Variants in CTH observed in about 807,000 individuals in gnomAD.
CTH encodes the protein cystathionase (cystathionine gamma-lyase).
CTH carries 41 observed loss-of-function variants against 50.6 expected under a neutral mutation model. The observed-to-expected ratio is 0.81, with a 90% CI of 0.63 to 1.05. The LOEUF is 1.05. Ranked by LOEUF, CTH falls within the 50% of genes least tolerant of loss-of-function variation. The pLI is 0.00. For synonymous variants in CTH, 156 were observed against 168.9 expected, an observed-to-expected ratio of 0.92 and a Z score of 0.59; for missense variants, 470 against 492.6, an observed-to-expected ratio of 0.95 and a Z score of 0.43.
chr1:70,422,997 T>A (rs1175283566), intron 4 of CTH, among the ~76,000 whole-genome samples: 1 of 152,176 alleles, frequency 6.6e-6, no homozygotes, highest in Non-Finnish European at 1.5e-5. Context: ...TCTACCAACT[T>A]GAATTAATAC....
At chr1:70,412,152 C>T (rs1683979927) in intron 1 of CTH, among the ~76,000 whole-genome samples, 2 of 152,158 alleles carry the variant, frequency 1.3e-5, no homozygotes, top group South Asian at 4.1e-4. Context: ...AGTAACTAGC[C>T]TTAGACTAGT....
At chr1:70,434,821 C>T (rs1030028301) in intron 9 of CTH, 24 of 254,230 alleles carry the variant, frequency 9.4e-5, no homozygotes, top group South Asian at 9.2e-4. Flanking sequence ...GGCATGATCT[C>T]GGCTCACTGC....
chr1:70,418,620 A>G (rs968844420), intron 3 of CTH, among the ~76,000 whole-genome samples: 1 of 152,218 alleles, frequency 6.6e-6, no homozygotes, highest in Non-Finnish European at 1.5e-5. Flanking sequence ...ACTTGCAGAC[A>G]TATTCTGCTC....
intron 1 of CTH, among the ~76,000 whole-genome samples, chr1:70,414,708 C>T (rs1014256886): frequency 5.3e-5 from 8 of 152,040 alleles, no homozygotes; most frequent in African/African-American, 1.9e-4. Context: ...TTTGACACTC[C>T]CTAGGTACTA....
chr1:70,438,871 T>A (rs1684657965), intron 11 of CTH, 45 bp downstream of exon 11: 1 of 1,610,824 alleles, frequency 6.2e-7, no homozygotes, highest in Admixed American at 1.7e-5. Flanking sequence ...TGTGTGTGTC[T>A]GCTTTATCTT....
chr1:70,421,414 C>G lies in CTH; in HGVS notation c.347-152C>G. 3 of 781,832 alleles carry G rather than the reference C, an allele frequency of 3.8e-6. No homozygotes were observed. The East Asian group carries it at 8.1e-5, about 21-fold the overall frequency. 48.4% of individuals were successfully genotyped at this position (781,832 alleles called of 1,614,324 possible). The stretch of plus-strand genomic sequence containing the variant: ...TATTATTCTTTACTATATCAGATAG[C>G]CAAACTATTTAACCAAACTAGAATT... On this transcript the variant is annotated intron_variant, in intron 3 of 11. Coordinates refer to ENST00000370938, the MANE Select transcript of CTH (RefSeq NM_001902.6).
intron 5 of CTH, among the ~76,000 whole-genome samples, chr1:70,424,981 G>A (rs1004160510): frequency 2.6e-5 from 4 of 151,956 alleles, no homozygotes; most frequent in African/African-American, 9.7e-5. Flanking sequence ...TGAAGAAATG[G>A]CCTTATTATG....
rs563511089 is a variant in CTH at position 70,420,043 on chromosome 1, A to G, written c.347-1523A>G. Among the ~76,000 whole-genome samples the G allele has an allele frequency of 4.0e-3, 566 of 139,878 alleles. 5 individuals carry two copies. Among genetic ancestry groups the G allele is most frequent in the African/African-American group, 0.015 (547 of 36,476 alleles). 91.8% of individuals were successfully genotyped at this position (139,878 alleles called of 152,430 possible). ...GAGTCTTGCTCTGTTGCCAGGCTGG[A>G]GTGCAGTGGCACGATCTCGGCTCAC... On this transcript the variant is annotated intron_variant, in intron 3 of 11. Coordinates refer to ENST00000370938, the MANE Select transcript of CTH (RefSeq NM_001902.6).
chr1:70,424,828 C>A (rs941912484), intron 5 of CTH, among the ~76,000 whole-genome samples: 1 of 151,914 alleles, frequency 6.6e-6, no homozygotes, highest in Non-Finnish European at 1.5e-5. Flanking sequence ...ACTCGGGAGG[C>A]TGAGGCAGGA....
intron 2 of CTH, among the ~76,000 whole-genome samples, chr1:70,417,473 C>A (rs1374198545): frequency 6.6e-6 from 1 of 151,790 alleles, no homozygotes; most frequent in South Asian, 2.1e-4. Flanking sequence ...TTAGTAAACA[C>A]AGAGTTTCAC....
Position 70,411,317 on chromosome 1 carries a change from T to C in CTH, c.-99T>C. On this transcript the variant is annotated 5_prime_UTR_variant, in exon 1 of 12. Transcript: ENST00000370938. ...GCTCTACCTGCGTGCTTTAGCTCCT[T>C]CTCGCCTGATCCTTCTGTCTCTCCC... is the stretch of plus-strand genomic sequence containing the variant. 1 of 1,267,364 alleles carries C rather than the reference T, an allele frequency of 7.9e-7. No homozygotes were observed. The highest frequency in any genetic ancestry group is 1.2e-5 in the South Asian group (1 of 83,716). The allele number at this position is 1,267,364 out of a possible 1,614,324, so 78.5% of individuals were successfully genotyped here.
At chr1:70,425,419 G>A (rs1047880468) in intron 5 of CTH, among the ~76,000 whole-genome samples, 3 of 152,128 alleles carry the variant, frequency 2.0e-5, no homozygotes, top group African/African-American at 7.2e-5. Context: ...CCCACTTTCT[G>A]GTCCATAGAT....
rs540990214 is a variant in CTH at position 70,417,849 on chromosome 1, A to C, written c.251-88A>C. On this transcript the variant is annotated intron_variant, in intron 2 of 11. Coordinates refer to ENST00000370938, the MANE Select transcript of CTH (RefSeq NM_001902.6). ...TCAGCAGTGATGGCTTCCTATCTGC[A>C]TTAAAGTAAGTCAGGTAAATACTTG... is the stretch of plus-strand genomic sequence containing the variant. 350 of 1,454,778 alleles carry C rather than the reference A, an allele frequency of 2.4e-4. No homozygotes were observed. In the African/African-American group the frequency reaches 4.5e-3, roughly 19 times the overall value. 90.1% of individuals were successfully genotyped at this position (1,454,778 alleles called of 1,614,324 possible). A position where few individuals can be genotyped will look rare whatever the true frequency, so the allele number is the denominator to read the frequency against.
intron 7 of CTH, chr1:70,431,319 A>C (rs915767764): frequency 1.3e-5 from 2 of 152,108 alleles, no homozygotes; most frequent in African/African-American, 4.8e-5. Flanking sequence ...TCAAGACTTA[A>C]TGGTTTTTTT....
At chr1:70,420,212 A>C (rs1831869) in intron 3 of CTH, among the ~76,000 whole-genome samples, 32,877 of 151,972 alleles carry the variant, frequency 0.22, 4,068 homozygotes, top group Admixed American at 0.32. Context: ...GGCTGGTCTC[A>C]AACTCCCGAC....
Position 70,414,480 on chromosome 1 carries a change from G to C in CTH, c.169-1476G>C, listed in dbSNP as rs1011345073. On this transcript the variant is annotated intron_variant, in intron 1 of 11. Coordinates refer to ENST00000370938, the MANE Select transcript of CTH (RefSeq NM_001902.6). ...CACTGCACTCCAGCCTGGCAACAGA[G>C]CGAGACTCCCTTTCAAAAAAAAAAA... 7.9e-5 allele frequency among the ~76,000 whole-genome samples: 12 copies of C among 151,786 alleles called. 1 individual carries two copies.
chr1:70,411,703 G>T, intron 1 of CTH, 120 bp downstream of exon 1: 1 of 1,463,250 alleles, frequency 6.8e-7, no homozygotes, highest in Non-Finnish European at 9.0e-7. Flanking sequence ...GCAACCGAAA[G>T]ATGTTTCTAC....
At chr1:70,424,514 C>G in intron 5 of CTH, 98 bp downstream of exon 5, 1 of 1,573,266 alleles carries the variant, frequency 6.4e-7, no homozygotes, top group South Asian at 1.1e-5. Flanking sequence ...TGATCAAATT[C>G]ATGAAATCTA....
At chr1:70,437,927 C>G (rs1051742570) in intron 10 of CTH, among the ~76,000 whole-genome samples, 3 of 152,138 alleles carry the variant, frequency 2.0e-5, no homozygotes, top group Admixed American at 2.0e-4. Flanking sequence ...ACTTGGCAGT[C>G]TTTTTGTCTA....
Sources: gnomAD v4.1 joint callset for allele counts (sites outside exome capture counted in the v4.1 genomes callset) on GRCh38, gnomAD v4.1.1 for gene constraint, MANE v1.5 for transcripts, NCBI Gene and HGNC (gene_info 2026-07-23, HGNC 2026-07-21) for gene names.